RBL2: variants seen among roughly 807,000 people sequenced by gnomAD.
RBL2 encodes the protein RB transcriptional corepressor like 2, also known as retinoblastoma-like protein 2.
In RBL2, 56 loss-of-function variants were observed where a neutral mutation model predicts 126.0. The observed-to-expected ratio is 0.44, with a 90% CI of 0.36 to 0.56. The LOEUF is 0.56. RBL2 is among the 20% of genes least tolerant of loss of function. RBL2 has a pLI of 0.00. For synonymous variants in RBL2, 454 were observed against 478.5 expected, an observed-to-expected ratio of 0.95 and a Z score of 0.67; for missense variants, 1,229 against 1,398.2, an observed-to-expected ratio of 0.88 and a Z score of 1.93.
intron 21 of RBL2, 120 bp downstream of exon 21, chr16:53,481,955 C>G: frequency 8.3e-7 from 1 of 1,200,450 alleles, no homozygotes; most frequent in Non-Finnish European, 1.2e-6. Flanking sequence ...GAGCAGTGAT[C>G]AGTCAGTCCT....
At chr16:53,452,450 C>T (rs2058124733) in intron 5 of RBL2, among the ~76,000 whole-genome samples, 1 of 152,038 alleles carries the variant, frequency 6.6e-6, no homozygotes, top group African/African-American at 2.4e-5. Flanking sequence ...TAATAGGATT[C>T]TGGGTGATTC....
At chr16:53,462,146 A>C (rs1479292197) in intron 10 of RBL2, among the ~76,000 whole-genome samples, 1 of 152,186 alleles carries the variant, frequency 6.6e-6, no homozygotes, top group African/African-American at 2.4e-5. Flanking sequence ...CAACATATTG[A>C]GAATAAGGAC....
rs1411709049 is a variant in RBL2, at chr16:53,434,543, C to A, written c.-14C>A. On this transcript the variant is annotated 5_prime_UTR_variant, in exon 1 of 22. Coordinates refer to ENST00000262133, the MANE Select transcript of RBL2 (RefSeq NM_005611.4). ...CCTCACCTCACCTGAGGTCCGGCCGCCCAGGGGTGCGCTATGCCGTCGGGA... is the reference window on the plus strand; with the variant it reads ...CCTCACCTCACCTGAGGTCCGGCCGACCAGGGGTGCGCTATGCCGTCGGGA... 3.2e-5 allele frequency: 46 copies of A among 1,459,018 alleles called. No individual in the cohort carries two copies. Among genetic ancestry groups the A allele is most frequent in the Non-Finnish European group, 4.1e-5 (46 of 1,112,378 alleles). 90.4% of individuals were successfully genotyped at this position (1,459,018 alleles called of 1,614,324 possible).
chr16:53,479,101 A>G (rs906902594), intron 17 of RBL2, 53 bp from the exon 18 acceptor site: 1 of 1,417,352 alleles, frequency 7.1e-7, no homozygotes, highest in South Asian at 1.2e-5. Context: ...AGCTCCTCAC[A>G]CTATTATGGT....
intron 17 of RBL2, among the ~76,000 whole-genome samples, chr16:53,474,390 C>CA (rs1960642300): frequency 6.6e-6 from 1 of 152,154 alleles, no homozygotes; most frequent in African/African-American, 2.4e-5. Context: ...GATCTTGGCT[C>CA]ACCGCAACCT....
chr16:53,482,807 T>C (rs1364676144), intron 21 of RBL2, among the ~76,000 whole-genome samples: 2 of 126,442 alleles, frequency 1.6e-5, no homozygotes, highest in Admixed American at 7.7e-5. Context: ...CGAAACTCAC[T>C]GTCTCAAAAA....
intron 17 of RBL2, among the ~76,000 whole-genome samples, chr16:53,474,116 C>G (rs1398762909): frequency 6.6e-6 from 1 of 151,672 alleles, no homozygotes; most frequent in Non-Finnish European, 1.5e-5. Context: ...CCTTCATCTC[C>G]TGAGTAGCTG....
rs1961374401 is a variant in RBL2, at chr16:53,490,450, A to C, written c.*150A>C. 1.8e-6 allele frequency: 1 copy of C among 553,522 alleles called. No individual in the cohort carries two copies. Among genetic ancestry groups the C allele is most frequent in the African/African-American group, 1.9e-5 (1 of 51,722 alleles). The allele number at this position is 553,522 out of a possible 1,614,324, so 34.3% of individuals were successfully genotyped here. ...ACATTTTGGTGAGAAATGGGACTTA[A>C]CTCCTTCCAGTGTCCTTAGAACATT... is the stretch of plus-strand genomic sequence containing the variant. On this transcript the variant is annotated 3_prime_UTR_variant, in exon 22 of 22. Coordinates refer to ENST00000262133, the MANE Select transcript of RBL2 (RefSeq NM_005611.4).
rs771617320 is a variant in RBL2 at position 53,479,955 on chromosome 16, CA to C, written c.2846del (p.His949LeufsTer8). 2 of 1,610,450 alleles carry C rather than the reference CA, an allele frequency of 1.2e-6. No homozygotes were observed. The highest frequency in any genetic ancestry group is 8.5e-7 in the Non-Finnish European group (1 of 1,177,880). On this transcript the variant is annotated frameshift_variant, in exon 19 of 22. Coordinates refer to ENST00000262133, the MANE Select transcript of RBL2 (RefSeq NM_005611.4). LOFTEE classifies it high-confidence loss of function. ...TTCTGGCAGCAGTGATAGCAGAAGC[CA>C]TCAGAATTCTCCAACAGAACTAAAC... is the stretch of plus-strand genomic sequence containing the variant. ...RNSGSSDSRS[H>X]QNSPTELNKD...
rs377678178 is a variant in RBL2, at chr16:53,470,136, C to T, written c.2196C>T (p.Thr732=). The T allele has an allele frequency of 7.6e-5, 123 of 1,613,192 alleles. No homozygotes were observed. The highest frequency in any genetic ancestry group is 1.8e-4 in the South Asian group (16 of 91,054). ...VPGQTLVTMA[T]ATVTANNGQT... Reference sequence around the variant, plus strand: ...GACAGACTTTGGTCACCATGGCAACCGCCACTGTCACAGCCAACAATGGGC... The same window carrying T: ...GACAGACTTTGGTCACCATGGCAACTGCCACTGTCACAGCCAACAATGGGC... The change falls in exon 15 of 22, where the codon ACC becomes ACT. Residue 732 remains threonine (T), a synonymous_variant. Coordinates refer to ENST00000262133, the MANE Select transcript of RBL2 (RefSeq NM_005611.4).
Position 53,442,912 on chromosome 16 carries a change from T to C in RBL2, c.572+54T>C, listed in dbSNP as rs543384999. On this transcript the variant is annotated intron_variant, in intron 3 of 21. Coordinates refer to ENST00000262133, the MANE Select transcript of RBL2 (RefSeq NM_005611.4). ...TACACGTTAGTCTGTGCTGCAGTGT[T>C]GATATTCTGCTAGGTTTTTTTTTTC... The C allele has an allele frequency of 1.5e-4, 184 of 1,264,022 alleles. 3 individuals carry two copies. The Middle Eastern group carries it at 2.0e-3, about 13-fold the overall frequency. 78.3% of individuals were successfully genotyped at this position (1,264,022 alleles called of 1,614,324 possible).
chr16:53,462,074 T>C (rs2058226873), intron 10 of RBL2, among the ~76,000 whole-genome samples: 1 of 152,236 alleles, frequency 6.6e-6, no homozygotes, highest in African/African-American at 2.4e-5. Context: ...GATGCTTTTT[T>C]ATCTGCAAAT....
intron 1 of RBL2, among the ~76,000 whole-genome samples, chr16:53,436,166 T>C (rs1301241533): frequency 6.6e-6 from 1 of 152,154 alleles, no homozygotes; most frequent in Non-Finnish European, 1.5e-5. Context: ...TATGTTGTTT[T>C]TTGTTTTTTG....
chr16:53,480,056 A>AG, intron 19 of RBL2, 65 bp downstream of exon 19: 1 of 1,035,252 alleles, frequency 9.7e-7, no homozygotes, highest in South Asian at 1.5e-5. Context: ...TAGGCCTTGA[A>AG]GAAGTAACTA....
chr16:53,485,215 T>TA (rs1389485897), intron 21 of RBL2, among the ~76,000 whole-genome samples: 2 of 152,202 alleles, frequency 1.3e-5, no homozygotes, highest in East Asian at 3.9e-4. Flanking sequence ...AGGGTTGAAA[T>TA]ACTGTGTTTT....
At chr16:53,435,461 C>A in intron 1 of RBL2, 1 of 510,142 alleles carries the variant, frequency 2.0e-6, no homozygotes, top group Non-Finnish European at 2.5e-6. Flanking sequence ...CCGGGCATTG[C>A]ACAGGACTCC....
chr16:53,485,693 T>A (rs1205684359), intron 21 of RBL2, among the ~76,000 whole-genome samples: 8 of 145,526 alleles, frequency 5.5e-5, no homozygotes, highest in Admixed American at 2.1e-4. Context: ...GTCTCTACTT[T>A]AAAAAAAAAA....
Position 53,479,232 on chromosome 16 carries a change from A to G in RBL2, c.2775+7A>G. The G allele has an allele frequency of 6.2e-7, 1 of 1,607,212 alleles. No individual in the cohort carries two copies. The highest frequency in any genetic ancestry group is 8.5e-7 in the Non-Finnish European group (1 of 1,173,752). On this transcript the variant is annotated splice_region_variant and intron_variant, in intron 18 of 21. Coordinates refer to ENST00000262133, the MANE Select transcript of RBL2 (RefSeq NM_005611.4). ...GCCGCAGGCCCGGAGCCAGGTAACT[A>G]CATTTTCTCTATGGGCTGAAAAATA...
Position 53,470,038 on chromosome 16 carries a change from C to T in RBL2, c.2098C>T (p.Pro700Ser). 1 of 1,614,226 alleles carries T rather than the reference C, an allele frequency of 6.2e-7. No homozygotes were observed. ...TGGAGGGACGCCTGGGCGCATGCCC[C>T]CACAGCCCCTAGTCAATGCTGTCCC... Reference protein sequence around the residue: ...SDGGTPGRMPPQPLVNAVPVQ... With the variant: ...SDGGTPGRMPSQPLVNAVPVQ... The change falls in exon 15 of 22, where the codon CCA (proline) becomes TCA (serine). Residue 700 changes from proline (P) to serine (S), a missense_variant. By Grantham distance (74) the Pro-to-Ser change is moderately conservative. This residue lies in a region of RBL2 where 1,070 missense variants were observed against 1,274.3 expected (regional missense o/e 0.84). Coordinates refer to ENST00000262133, the MANE Select transcript of RBL2 (RefSeq NM_005611.4).
Sources: allele counts gnomAD v4.1 joint callset (sites outside exome capture counted in the v4.1 genomes callset), GRCh38; gene constraint gnomAD v4.1.1; regional missense constraint gnomAD v4.1.1; transcripts MANE v1.5; gene names NCBI Gene and HGNC (gene_info 2026-07-23, HGNC 2026-07-21).